EXOC1: variants seen among roughly 807,000 people sequenced by gnomAD.
EXOC1 encodes SEC3-like 1.
Under a neutral mutation model 107.7 loss-of-function variants are expected in EXOC1, and 67 were observed. That is an observed-to-expected ratio of 0.62 (90% CI 0.51 to 0.76). The LOEUF is 0.76. Among genes scored for constraint, EXOC1 ranks in the 30% least tolerant of loss-of-function variants. The probability of loss-of-function intolerance (pLI) is 0.00; values close to 1 mark genes in which losing one functional copy is unlikely to be tolerated. For missense variants in EXOC1, 833 were observed against 1,055.7 expected (o/e 0.79, Z 2.92); for synonymous variants, 348 against 353.5 (o/e 0.98, Z 0.17).
At position 55,883,556 on chromosome 4, in the gene EXOC1, A is replaced by G. The variant is rs1723601735; in HGVS notation, c.1225-267A>G. On this transcript the variant is annotated intron_variant, in intron 9 of 18. Coordinates refer to ENST00000381295, the MANE Select transcript of EXOC1 (RefSeq NM_001024924.2). The stretch of plus-strand genomic sequence containing the variant: ...TATTCTGTATAGTGTGATTACAGTG[A>G]TATTTAAAATATGCAAAAGGTAATA... The G allele has an allele frequency of 1.5e-5, 4 of 270,706 alleles. No individual in the cohort carries two copies. The South Asian group carries it at 2.1e-4, about 14-fold the overall frequency. The allele number at this position is 270,706 out of a possible 1,614,324, so 16.8% of individuals were successfully genotyped here.
chr4:55,859,085 G>A (rs917199401), intron 2 of EXOC1, among the ~76,000 whole-genome samples: 13 of 152,022 alleles, frequency 8.6e-5, no homozygotes, highest in African/African-American at 3.1e-4. Context: ...GAGCATTTCT[G>A]GTTGTCATCT....
rs1451022179 is a variant in EXOC1, at chr4:55,870,755, G to GGTA, written c.683_685dup (p.Val228dup). 6.2e-7 allele frequency: 1 copy of GGTA among 1,613,742 alleles called. No individual in the cohort carries two copies. ...AATTGCTAGATGAGGCTCTAAAGGA[G>GGTA]GTAGATCAGATTGAATTGAAACTGA... On this transcript the variant is annotated inframe_insertion, in exon 6 of 19. Transcript: ENST00000381295.
chr4:55,862,269 T>C (rs1440140916), intron 3 of EXOC1, among the ~76,000 whole-genome samples: 1 of 152,198 alleles, frequency 6.6e-6, no homozygotes, highest in Non-Finnish European at 1.5e-5. Flanking sequence ...GAATGCTTAT[T>C]TGAATGCATT....
At chr4:55,860,971 A>AG (rs1721419196) in intron 3 of EXOC1, among the ~76,000 whole-genome samples, 1 of 152,094 alleles carries the variant, frequency 6.6e-6, no homozygotes, top group Admixed American at 6.5e-5. Flanking sequence ...AAAAAAAAAA[A>AG]AAGAAATGAT....
At chr4:55,883,147 A>G (rs1225691831) in intron 9 of EXOC1, 1 of 152,194 alleles carries the variant, frequency 6.6e-6, no homozygotes, top group Admixed American at 6.5e-5. Context: ...AAGATATACT[A>G]ATGAAGTTCT....
chr4:55,879,702 A>T (rs1477689298), intron 9 of EXOC1, among the ~76,000 whole-genome samples: 4 of 152,338 alleles, frequency 2.6e-5, no homozygotes, highest in African/African-American at 9.6e-5. Flanking sequence ...TTTTAAAAAA[A>T]TAGAGCTAAC....
chr4:55,893,665 T>TA lies in EXOC1; in HGVS notation c.1839dup (p.Val614SerfsTer35). On this transcript the variant is annotated frameshift_variant, in exon 15 of 19. Coordinates refer to ENST00000381295, the MANE Select transcript of EXOC1 (RefSeq NM_001024924.2). LOFTEE classifies it high-confidence loss of function. ...GATAGCTTTAACTCTCTTTATATGT[T>TA]AGTCAAAATGAGTCATCATGTGTGG... 1 of 1,614,150 alleles carries TA rather than the reference T, an allele frequency of 6.2e-7. No homozygotes were observed. Among genetic ancestry groups the TA allele is most frequent in the South Asian group, 1.1e-5 (1 of 91,082 alleles).
intron 1 of EXOC1, 87 bp from the exon 2 acceptor site, chr4:55,858,227 A>C: frequency 7.3e-7 from 1 of 1,369,776 alleles, no homozygotes; most frequent in Non-Finnish European, 9.6e-7. Context: ...CTTGTTAACC[A>C]AAAATTATTT....
intron 16 of EXOC1, among the ~76,000 whole-genome samples, chr4:55,897,765 A>G (rs1165246706): frequency 6.6e-6 from 1 of 152,090 alleles, no homozygotes; most frequent in East Asian, 1.9e-4. Context: ...ATAGGCAGGC[A>G]TCATCACGCC....
intron 1 of EXOC1, among the ~76,000 whole-genome samples, chr4:55,857,462 G>A (rs1301758035): frequency 2.0e-5 from 3 of 151,900 alleles, no homozygotes; most frequent in Non-Finnish European, 4.4e-5. Context: ...GCCACCGCCC[G>A]TGCCCGGCCC....
intron 2 of EXOC1, among the ~76,000 whole-genome samples, chr4:55,860,021 T>G (rs908820394): frequency 6.6e-6 from 1 of 152,286 alleles, no homozygotes; most frequent in Middle Eastern, 3.4e-3. Context: ...GGAGTTTAAT[T>G]AAGACCAGCC....
At chr4:55,868,797 T>A (rs962877296) in intron 5 of EXOC1, 5 of 286,122 alleles carry the variant, frequency 1.7e-5, no homozygotes, top group Admixed American at 4.9e-5. Flanking sequence ...CCAGAGAACA[T>A]CTTGGGAGTT....
intron 5 of EXOC1, 56 bp from the exon 6 acceptor site, chr4:55,870,622 T>G: frequency 6.8e-7 from 1 of 1,480,568 alleles, no homozygotes; most frequent in Non-Finnish European, 9.3e-7. Flanking sequence ...AAATAACAAG[T>G]ATGTTTTTTG....
At position 55,899,668 on chromosome 4, in the gene EXOC1, T is replaced by G. The variant is rs199955723; in HGVS notation, c.2138-17T>G. The G allele has an allele frequency of 3.1e-6, 5 of 1,596,292 alleles. No individual in the cohort carries two copies. In the East Asian group the frequency reaches 1.1e-4, roughly 36 times the overall value. On this transcript the variant is annotated splice_polypyrimidine_tract_variant and intron_variant, in intron 16 of 18. Coordinates refer to ENST00000381295, the MANE Select transcript of EXOC1 (RefSeq NM_001024924.2). ...ATACTCAGAGATGTTATTTTATTTT[T>G]TCTGTTTTGGTTTTAGTGGAGAAAG...
rs753478114 is a variant in EXOC1, at chr4:55,868,543, T to C, written c.603+20T>C. On this transcript the variant is annotated intron_variant, in intron 5 of 18. Coordinates refer to ENST00000381295, the MANE Select transcript of EXOC1 (RefSeq NM_001024924.2). Reference sequence around the variant, plus strand: ...GATGGGGTAAGACTTTCCTGAATTCTATGAATAAGTGATGTATAGTGGATT... The same window carrying C: ...GATGGGGTAAGACTTTCCTGAATTCCATGAATAAGTGATGTATAGTGGATT... 2.5e-6 allele frequency: 4 copies of C among 1,605,834 alleles called. No individual in the cohort carries two copies. Among genetic ancestry groups the C allele is most frequent in the Non-Finnish European group, 3.4e-6 (4 of 1,174,160 alleles).
Position 55,904,448 on chromosome 4 carries a change from AT to A in EXOC1, c.2640del (p.Gln881ArgfsTer24), listed in dbSNP as rs1218746925. On this transcript the variant is annotated frameshift_variant, in exon 19 of 19. Transcript: ENST00000381295. LOFTEE classifies it high-confidence loss of function. ...ATCTGGTGTTACAATGGAATTCACT[AT>A]TCAGGACATTCTGGATTATTGTTCC... ...PGSGVTMEFT[I>X]QDILDYCSSI... is the part of the protein sequence containing the mutation. The A allele has an allele frequency of 6.2e-7, 1 of 1,612,992 alleles. No individual in the cohort carries two copies. The highest frequency in any genetic ancestry group is 8.5e-7 in the Non-Finnish European group (1 of 1,179,616).
At chr4:55,897,163 G>T (rs1300009336) in intron 16 of EXOC1, among the ~76,000 whole-genome samples, 4 of 148,022 alleles carry the variant, frequency 2.7e-5, no homozygotes, top group Non-Finnish European at 1.5e-5. Flanking sequence ...GCCTCACTCT[G>T]TCGCCCAGGC....
In EXOC1 at chr4:55,893,590, G is replaced by C; in HGVS notation, c.1763G>C (p.Arg588Pro). Residue 588 changes from arginine to proline, a missense_variant, in exon 15 of 19, where the codon CGC (arginine) becomes CCC (proline). Physicochemically the swap from Arg to Pro is moderately radical, Grantham distance 103. Transcript: ENST00000381295. ...MIRQMMIKIFRCIEPELNNLI... is the reference protein window; with the variant it reads ...MIRQMMIKIFPCIEPELNNLI... ...CGCCAAATGATGATTAAAATATTTC[G>C]CTGCATTGAGCCAGAGCTGAACAAC... 1 of 1,613,672 alleles carries C rather than the reference G, an allele frequency of 6.2e-7. No homozygotes were observed. The highest frequency in any genetic ancestry group is 1.1e-5 in the South Asian group (1 of 91,060).
intron 5 of EXOC1, among the ~76,000 whole-genome samples, chr4:55,869,181 C>T (rs1321463309): frequency 6.6e-6 from 1 of 151,734 alleles, no homozygotes; most frequent in East Asian, 1.9e-4. Flanking sequence ...GCCTGGCCAA[C>T]ATGGCAAAAC....
Sources: gnomAD v4.1 joint callset for allele counts (sites outside exome capture counted in the v4.1 genomes callset) on GRCh38, gnomAD v4.1.1 for gene constraint, MANE v1.5 for transcripts, NCBI Gene and HGNC (gene_info 2026-07-23, HGNC 2026-07-21) for gene names.